The following PTPN4 variants were observed in gnomAD, a reference collection of about 807,000 sequenced individuals.
The protein encoded by PTPN4 is protein tyrosine phosphatase non-receptor type 4.
A neutral mutation model predicts 135.5 loss-of-function variants in PTPN4; 49 were observed. The ratio of observed to expected loss-of-function variants is 0.36; its 90% CI spans 0.29 to 0.46. The LOEUF (loss-of-function observed/expected upper bound fraction) is 0.46. PTPN4 is among the 20% of genes least tolerant of loss of function. The pLI is 1.00. For missense variants in PTPN4, 860 were observed against 1,101.0 expected (o/e 0.78, Z 3.10); for synonymous variants, 333 against 369.9 (o/e 0.90, Z 1.14).
At chr2:119,798,778 G>A (rs1691309038) in intron 1 of PTPN4, among the ~76,000 whole-genome samples, 2 of 152,134 alleles carry the variant, frequency 1.3e-5, no homozygotes, top group Admixed American at 6.5e-5. Flanking sequence ...CCATATTCAG[G>A]TAGGTTCTCC....
At chr2:119,836,068 C>CAAAAAAAAAAAAAAAAA (rs35095345) in intron 2 of PTPN4, among the ~76,000 whole-genome samples, 1 of 125,810 alleles carries the variant, frequency 7.9e-6, no homozygotes. Context: ...GTCTCCGTCT[C>CAAAAAAAAAAAAAAAAA]AAAAAAAAAA....
Position 119,844,989 on chromosome 2 carries a change from A to G in PTPN4, c.139-17547A>G, listed in dbSNP as rs1292106838. Reference sequence around the variant, plus strand: ...TTGAGCACTGAGTGAACGAGACTCCATCTGCAATCCCGGCACCTCGGGAGG... The same window carrying G: ...TTGAGCACTGAGTGAACGAGACTCCGTCTGCAATCCCGGCACCTCGGGAGG... On this transcript the variant is annotated intron_variant, in intron 2 of 26. Coordinates refer to ENST00000263708, the MANE Select transcript of PTPN4 (RefSeq NM_002830.4). 9.2e-3 allele frequency among the ~76,000 whole-genome samples: 1,358 copies of G among 146,960 alleles called. 6 individuals are homozygous for G. The highest frequency in any genetic ancestry group is 0.014 in the Middle Eastern group (4 of 286).
chr2:119,965,865 G>A (rs113882729), intron 25 of PTPN4, among the ~76,000 whole-genome samples: 3,525 of 152,204 alleles, frequency 0.023, 127 homozygotes, highest in African/African-American at 0.077. Context: ...ATTCTTAGAT[G>A]CTCCTCCTTT....
At chr2:119,917,933 T>G (rs770486225) in intron 11 of PTPN4, among the ~76,000 whole-genome samples, 12 of 152,126 alleles carry the variant, frequency 7.9e-5, no homozygotes, top group Non-Finnish European at 1.6e-4. Flanking sequence ...CAAATATAAT[T>G]GATAGAATAT....
chr2:119,941,693 T>G (rs534949017), intron 15 of PTPN4, among the ~76,000 whole-genome samples: 1 of 152,220 alleles, frequency 6.6e-6, no homozygotes, highest in Admixed American at 6.5e-5. Flanking sequence ...TTTACTGTCC[T>G]TTCGTCTTCA....
Position 119,956,833 on chromosome 2 carries a change from T to C in PTPN4, c.1981-11T>C. 2 of 1,580,000 alleles carry C rather than the reference T, an allele frequency of 1.3e-6. No individual in the cohort carries two copies. Among genetic ancestry groups the C allele is most frequent in the Non-Finnish European group, 8.5e-7 (1 of 1,171,422 alleles). On this transcript the variant is annotated splice_polypyrimidine_tract_variant and intron_variant, in intron 20 of 26. Transcript: ENST00000263708. ...TTTTGTTGGAATTGTACCTTTTTTT[T>C]TTTTTTTTAGCAACTGTATCGGAAA...
intron 10 of PTPN4, among the ~76,000 whole-genome samples, chr2:119,905,072 A>G (rs1042188422): frequency 6.6e-6 from 1 of 152,124 alleles, no homozygotes; most frequent in Non-Finnish European, 1.5e-5. Context: ...GGAAACAATA[A>G]GAGGATGAAA....
In PTPN4 at chr2:119,900,819, A is replaced by G. The variant is rs375261782; in HGVS notation, c.764+13A>G. 8.6e-5 allele frequency: 125 copies of G among 1,452,186 alleles called. No individual in the cohort carries two copies. In the African/African-American group the frequency reaches 1.3e-3, roughly 15 times the overall value. The allele number at this position is 1,452,186 out of a possible 1,614,324, so 90.0% of individuals were successfully genotyped here. The stretch of plus-strand genomic sequence containing the variant: ...ATACCTTTCCATGGTAAGAACATCT[A>G]TTGATACTTTTATGTTTACCACTGT... On this transcript the variant is annotated intron_variant, in intron 10 of 26. Coordinates refer to ENST00000263708, the MANE Select transcript of PTPN4 (RefSeq NM_002830.4).
At chr2:119,962,521 T>C in intron 23 of PTPN4, 95 bp from the exon 24 acceptor site, 1 of 714,300 alleles carries the variant, frequency 1.4e-6, no homozygotes, top group Non-Finnish European at 1.9e-6. Context: ...AACTTTTATA[T>C]GTTTGAAATT....
chr2:119,796,894 GTGTT>G (rs1438733682), intron 1 of PTPN4, among the ~76,000 whole-genome samples: 4 of 117,728 alleles, frequency 3.4e-5, no homozygotes, highest in African/African-American at 5.9e-5. Flanking sequence ...GTGTGTGTGT[GTGTT>G]TTGCCATTCT....
At chr2:119,862,283 A>C (rs1485708255) in intron 2 of PTPN4, among the ~76,000 whole-genome samples, 1 of 152,192 alleles carries the variant, frequency 6.6e-6, no homozygotes, top group Non-Finnish European at 1.5e-5. Flanking sequence ...CAACCAAGTC[A>C]TTGGTATGAA....
At chr2:119,880,435 T>C (rs1398206870) in intron 5 of PTPN4, among the ~76,000 whole-genome samples, 1 of 152,006 alleles carries the variant, frequency 6.6e-6, no homozygotes, top group Non-Finnish European at 1.5e-5. Context: ...AATTTTTTTT[T>C]TTTTCTTTTT....
At chr2:119,950,847 A>G (rs1040904258) in intron 18 of PTPN4, among the ~76,000 whole-genome samples, 13 of 152,216 alleles carry the variant, frequency 8.5e-5, no homozygotes, top group African/African-American at 2.9e-4. Context: ...ACCATGCAAG[A>G]TGAAATTGTG....
At chr2:119,853,734 T>G (rs965017990) in intron 2 of PTPN4, among the ~76,000 whole-genome samples, 6 of 152,222 alleles carry the variant, frequency 3.9e-5, no homozygotes, top group Admixed American at 1.3e-4. Context: ...ATAGGCTTTT[T>G]TATTTACTTC....
At chr2:119,925,522 C>T (rs1678811580) in intron 12 of PTPN4, among the ~76,000 whole-genome samples, 1 of 152,098 alleles carries the variant, frequency 6.6e-6, no homozygotes. Context: ...AATGGGAGAA[C>T]TTTAAAACTT....
chr2:119,907,124 A>G (rs1031717018), intron 10 of PTPN4, among the ~76,000 whole-genome samples: 2 of 152,214 alleles, frequency 1.3e-5, no homozygotes, highest in African/African-American at 4.8e-5. Flanking sequence ...AAAAACTACA[A>G]AACACTGATG....
At chr2:119,848,119 T>C (rs1310805197) in intron 2 of PTPN4, among the ~76,000 whole-genome samples, 1 of 152,134 alleles carries the variant, frequency 6.6e-6, no homozygotes, top group East Asian at 1.9e-4. Context: ...TTAGTGTTTT[T>C]CATCAAATTT....
At chr2:119,904,595 T>A (rs911735533) in intron 10 of PTPN4, among the ~76,000 whole-genome samples, 1 of 152,116 alleles carries the variant, frequency 6.6e-6, no homozygotes, top group African/African-American at 2.4e-5. Flanking sequence ...TCCAAGGCAC[T>A]TCATAGTCAA....
intron 16 of PTPN4, among the ~76,000 whole-genome samples, chr2:119,945,813 T>C (rs1260328132): frequency 1.3e-5 from 2 of 152,074 alleles, no homozygotes; most frequent in African/African-American, 4.8e-5. Context: ...CAAGATTTCT[T>C]TTGGAATTGA....
Sources: gnomAD v4.1 joint callset for allele counts (sites outside exome capture counted in the v4.1 genomes callset) on GRCh38, gnomAD v4.1.1 for gene constraint, MANE v1.5 for transcripts, NCBI Gene and HGNC (gene_info 2026-07-23, HGNC 2026-07-21) for gene names.